Variants in CBFA2T2 observed in about 807,000 individuals in gnomAD.
CBFA2T2 encodes the protein CBFA2/RUNX1 partner transcriptional co-repressor 2.
In CBFA2T2, 11 loss-of-function variants were observed where a neutral mutation model predicts 62.2. That is an observed-to-expected ratio of 0.18 (90% CI 0.11 to 0.29). CBFA2T2 has a LOEUF of 0.29. Ranked by LOEUF, CBFA2T2 falls within the 10% of genes least tolerant of loss-of-function variation. The pLI is 1.00. For missense variants in CBFA2T2, 592 were observed against 774.1 expected (o/e 0.76, Z 2.79); for synonymous variants, 295 against 287.5 (o/e 1.03, Z -0.27).
chr20:33,501,708 C>T (rs142912998), intron 1 of CBFA2T2, among the ~76,000 whole-genome samples: 2,364 of 122,258 alleles, frequency 0.019, 61 homozygotes, highest in African/African-American at 0.07. Flanking sequence ...GGTGCGATCT[C>T]GGCTCACTGC....
intron 8 of CBFA2T2, among the ~76,000 whole-genome samples, chr20:33,633,267 G>A (rs1196648705): frequency 1.3e-5 from 2 of 152,024 alleles, no homozygotes; most frequent in Admixed American, 1.3e-4. Flanking sequence ...ACCTACTTGG[G>A]AGGCTGAGGC....
rs187332960 is a variant in CBFA2T2 at position 33,514,935 on chromosome 20, G to A, written c.34+24634G>A. On this transcript the variant is annotated intron_variant, in intron 1 of 10. Transcript: ENST00000342704. The stretch of plus-strand genomic sequence containing the variant: ...TCTTGAACTCCTAACCTTGTGATCC[G>A]CCCGCCTTGGCCTCCCAAAGTGCTG... Among the ~76,000 whole-genome samples, 127 of 151,672 alleles carry A rather than the reference G, an allele frequency of 8.4e-4. 1 individual carries two copies. Among genetic ancestry groups the A allele is most frequent in the African/African-American group, 2.9e-3 (121 of 41,432 alleles).
intron 9 of CBFA2T2, among the ~76,000 whole-genome samples, chr20:33,638,100 A>G (rs529290547): frequency 6.8e-6 from 1 of 148,120 alleles, no homozygotes; most frequent in South Asian, 2.1e-4. Context: ...TTAGCCTTCC[A>G]AGTACCTGGG....
chr20:33,511,334 G>A (rs920911128), intron 1 of CBFA2T2, among the ~76,000 whole-genome samples: 16 of 152,060 alleles, frequency 1.1e-4, no homozygotes, highest in Non-Finnish European at 2.2e-4. Context: ...AAAGGGATCC[G>A]GTTTCAGTTT....
At chr20:33,494,634 C>T (rs1487049078) in intron 1 of CBFA2T2, among the ~76,000 whole-genome samples, 1 of 142,492 alleles carries the variant, frequency 7.0e-6, no homozygotes, top group Non-Finnish European at 1.5e-5. Flanking sequence ...GAGTTTTGCT[C>T]TTGTTGCCCA....
chr20:33,550,260 C>G (rs1427890735), intron 1 of CBFA2T2, among the ~76,000 whole-genome samples: 2 of 152,048 alleles, frequency 1.3e-5, no homozygotes, highest in Non-Finnish European at 2.9e-5. Flanking sequence ...GCAAAGTAGT[C>G]TTGAAATTAT....
At chr20:33,545,159 A>G (rs1238944355) in intron 1 of CBFA2T2, among the ~76,000 whole-genome samples, 1 of 152,216 alleles carries the variant, frequency 6.6e-6, no homozygotes, top group African/African-American at 2.4e-5. Flanking sequence ...ATAAGCATTT[A>G]AACTTTAGGA....
At chr20:33,558,826 G>T (rs2012997290) in intron 1 of CBFA2T2, among the ~76,000 whole-genome samples, 2 of 151,820 alleles carry the variant, frequency 1.3e-5, no homozygotes, top group African/African-American at 4.9e-5. Context: ...AACTGTTTGG[G>T]GGGGCGGCGA....
chr20:33,618,770 A>G (rs1303394037), intron 3 of CBFA2T2, among the ~76,000 whole-genome samples: 1 of 152,196 alleles, frequency 6.6e-6, no homozygotes, highest in African/African-American at 2.4e-5. Flanking sequence ...TGAGTCCAAA[A>G]TGTCTTAGAG....
chr20:33,518,773 CAA>C (rs776181082), intron 1 of CBFA2T2, among the ~76,000 whole-genome samples: 73 of 126,636 alleles, frequency 5.8e-4, no homozygotes, highest in Admixed American at 1.2e-3. Flanking sequence ...ACTCCTTCTC[CAA>C]AAAAAAAAAA....
intron 10 of CBFA2T2, among the ~76,000 whole-genome samples, chr20:33,641,866 G>C (rs1364900231): frequency 6.7e-6 from 1 of 150,356 alleles, no homozygotes; most frequent in Admixed American, 6.6e-5. Context: ...TTACAGATGG[G>C]CTTTTTTTTT....
At chr20:33,501,206 T>G (rs1364123872) in intron 1 of CBFA2T2, among the ~76,000 whole-genome samples, 4 of 152,208 alleles carry the variant, frequency 2.6e-5, no homozygotes, top group Non-Finnish European at 5.9e-5. Context: ...AAATATGTAA[T>G]GTGACCTCTG....
intron 1 of CBFA2T2, among the ~76,000 whole-genome samples, chr20:33,516,045 G>A (rs2011594367): frequency 6.6e-6 from 1 of 152,094 alleles, no homozygotes; most frequent in African/African-American, 2.4e-5. Flanking sequence ...GCTGAGGCAG[G>A]AGGAGGCTAA....
intron 1 of CBFA2T2, among the ~76,000 whole-genome samples, chr20:33,570,620 C>G (rs549535056): frequency 6.6e-6 from 1 of 152,132 alleles, no homozygotes; most frequent in Non-Finnish European, 1.5e-5. Context: ...TAGATATTGT[C>G]GTCTTGAGGT....
At chr20:33,514,407 G>T (rs1474163548) in intron 1 of CBFA2T2, among the ~76,000 whole-genome samples, 2 of 151,696 alleles carry the variant, frequency 1.3e-5, no homozygotes, top group Non-Finnish European at 2.9e-5. Flanking sequence ...TAGAGACGGG[G>T]TTTCACCATG....
At chr20:33,507,360 G>A (rs954548581) in intron 1 of CBFA2T2, among the ~76,000 whole-genome samples, 3 of 152,136 alleles carry the variant, frequency 2.0e-5, no homozygotes, top group African/African-American at 7.2e-5. Flanking sequence ...TACCAAGGAT[G>A]GGCATCTGAC....
chr20:33,644,555 T>TGCCCA lies in CBFA2T2; in HGVS notation c.1707_1711dup (p.Leu571GlnfsTer19), dbSNP rs2016983171. The TGCCCA allele has an allele frequency of 6.2e-7, 1 of 1,613,994 alleles. No individual in the cohort carries two copies. Among genetic ancestry groups the TGCCCA allele is most frequent in the Non-Finnish European group, 8.5e-7 (1 of 1,179,912 alleles). ...TCTGCCAGGTCCGCCGACTGCAGCG[T>TGCCCA]GCCCAGCCCAGCCCTCGACAAGACC... On this transcript the variant is annotated frameshift_variant, in exon 11 of 11. Transcript: ENST00000342704. LOFTEE classifies it high-confidence loss of function.
At chr20:33,536,018 G>T (rs1336424590) in intron 1 of CBFA2T2, among the ~76,000 whole-genome samples, 1 of 152,212 alleles carries the variant, frequency 6.6e-6, no homozygotes, top group African/African-American at 2.4e-5. Context: ...TCCCAAGGCA[G>T]AAGAATTTTT....
intron 1 of CBFA2T2, among the ~76,000 whole-genome samples, chr20:33,547,687 A>ATGTGTGTGTGTGTG (rs60988030): frequency 1.6e-4 from 22 of 139,072 alleles, no homozygotes; most frequent in African/African-American, 3.2e-4. Context: ...TCTCAAAAAA[A>ATGTGTGTGTGTGTG]TGTGTGTGTG....
Sources: gnomAD v4.1 joint callset for allele counts (sites outside exome capture counted in the v4.1 genomes callset) on GRCh38, gnomAD v4.1.1 for gene constraint, MANE v1.5 for transcripts, NCBI Gene and HGNC (gene_info 2026-07-23, HGNC 2026-07-21) for gene names.